The following OR1F1 variants were observed in gnomAD, a reference collection of about 807,000 sequenced individuals.
The protein encoded by OR1F1 is olfactory receptor family 1 subfamily F member 1.
For missense variants in OR1F1, 493 were observed against 376.3 expected, an observed-to-expected ratio of 1.31 and a Z score of -2.57; for synonymous variants, 184 against 156.7, an observed-to-expected ratio of 1.17 and a Z score of -1.30.
At chr16:3,189,226 C>A in the OR1F1 span, among the ~76,000 whole-genome samples, 1 of 152,192 alleles carries the variant, frequency 6.6e-6, no homozygotes, top group Non-Finnish European at 1.5e-5. Flanking sequence ...ATTGGTGCCA[C>A]GCTGAGGGAC....
At chr16:3,192,170 C>T in the OR1F1 span, among the ~76,000 whole-genome samples, 2 of 152,184 alleles carry the variant, frequency 1.3e-5, no homozygotes, top group Admixed American at 1.3e-4. Flanking sequence ...CATTCTCCTG[C>T]CTCAGCCTCC....
chr16:3,194,260 C>T, the OR1F1 span, among the ~76,000 whole-genome samples: 2 of 152,086 alleles, frequency 1.3e-5, no homozygotes, highest in African/African-American at 4.8e-5. Context: ...ATGTTGGAGG[C>T]TGGTTTTCTG....
At chr16:3,192,030 G>A in the OR1F1 span, among the ~76,000 whole-genome samples, 4 of 152,094 alleles carry the variant, frequency 2.6e-5, no homozygotes, top group African/African-American at 4.8e-5. Context: ...TAGGATGCGA[G>A]AGGTCCCGGG....
At chr16:3,204,360 T>G (rs777026559) in exon 1 of OR1F1, 44 of 1,613,920 alleles carry the variant, frequency 2.7e-5, no homozygotes, top group Non-Finnish European at 3.5e-5. Context: ...ACCTGGCCAC[T>G]GTCCTGGGGA....
chr16:3,201,042 C>G (rs1017301311), upstream of OR1F1, among the ~76,000 whole-genome samples: 2 of 152,026 alleles, frequency 1.3e-5, no homozygotes, highest in East Asian at 3.8e-4. Flanking sequence ...TTTGCCTACT[C>G]TAGACATTTC....
the OR1F1 span, among the ~76,000 whole-genome samples, chr16:3,198,085 AGGAGAG>A: frequency 1.6e-5 from 1 of 61,282 alleles, no homozygotes; most frequent in Admixed American, 1.5e-4. Flanking sequence ...GAGAGGGAGA[AGGAGAG>A]GGAGAGGGAG....
chr16:3,205,145 C>T (rs1160533577), exon 1 of OR1F1: 3 of 1,611,562 alleles, frequency 1.9e-6, no homozygotes, highest in Non-Finnish European at 2.5e-6. Flanking sequence ...TTGAAAGGGG[C>T]TCTGAAAAAA....
the OR1F1 span, among the ~76,000 whole-genome samples, chr16:3,194,030 C>T: frequency 1.1e-4 from 17 of 152,160 alleles, no homozygotes; most frequent in East Asian, 2.7e-3. Flanking sequence ...TAAGGTATCA[C>T]GCCTTTTAAA....
chr16:3,188,376 A>C, the OR1F1 span: 1 of 152,308 alleles, frequency 6.6e-6, no homozygotes, highest in Non-Finnish European at 1.5e-5. Context: ...CCCGTGCAGC[A>C]GGAGGAGGTT....
chr16:3,198,381 T>C, the OR1F1 span, among the ~76,000 whole-genome samples: 1 of 152,048 alleles, frequency 6.6e-6, no homozygotes, highest in East Asian at 1.9e-4. Flanking sequence ...CTGAGGCAAG[T>C]AGGCTGACAT....
At chr16:3,196,031 G>T in the OR1F1 span, among the ~76,000 whole-genome samples, 175 of 152,344 alleles carry the variant, frequency 1.1e-3, 1 homozygote, top group African/African-American at 3.9e-3. Flanking sequence ...TCTCCTGGTG[G>T]ACTTTCTCTT....
At chr16:3,203,225 A>G (rs1596324926), upstream of OR1F1, among the ~76,000 whole-genome samples, 6 of 152,328 alleles carry the variant, frequency 3.9e-5, no homozygotes, top group South Asian at 1.2e-3. Flanking sequence ...TGAGGCTCTC[A>G]GGGAATATGA....
chr16:3,199,016 C>T, the OR1F1 span, among the ~76,000 whole-genome samples: 3 of 148,914 alleles, frequency 2.0e-5, no homozygotes. Flanking sequence ...TGGTGGCTCA[C>T]GCCTATAATC....
At chr16:3,200,440 C>G (rs142070397), upstream of OR1F1, among the ~76,000 whole-genome samples, 145 of 152,240 alleles carry the variant, frequency 9.5e-4, no homozygotes, top group African/African-American at 3.4e-3. Context: ...AACTCTGTCT[C>G]TACTAAAAAT....
At chr16:3,197,208 G>A in the OR1F1 span, among the ~76,000 whole-genome samples, 5 of 148,514 alleles carry the variant, frequency 3.4e-5, no homozygotes, top group East Asian at 9.9e-4. Flanking sequence ...TAGTAGAGAC[G>A]GGGTTTCACC....
chr16:3,205,031 C>G, exon 1 of OR1F1: 2 of 1,614,132 alleles, frequency 1.2e-6, no homozygotes, highest in Non-Finnish European at 1.7e-6. Context: ...TATTTTAACC[C>G]TCTGTCCTCC....
exon 1 of OR1F1, chr16:3,204,373 C>T (rs1416117596): frequency 3.1e-6 from 5 of 1,614,072 alleles, no homozygotes; most frequent in Non-Finnish European, 4.2e-6. Context: ...CCTGGGGAAC[C>T]TGCTCATCAT....
At chr16:3,189,674 A>G in the OR1F1 span, 1 of 151,792 alleles carries the variant, frequency 6.6e-6, no homozygotes, top group Non-Finnish European at 1.5e-5. Context: ...TTAGGGTGCG[A>G]GAGGTCCCGG....
chr16:3,204,456 C>T (rs781485448), exon 1 of OR1F1: 2 of 1,614,120 alleles, frequency 1.2e-6, no homozygotes, highest in South Asian at 2.2e-5. Flanking sequence ...CTTTTGTGGA[C>T]ATCTGCTTCT....
Sources: allele counts gnomAD v4.1 joint callset (sites outside exome capture counted in the v4.1 genomes callset), GRCh38; gene constraint gnomAD v4.1.1; transcripts MANE v1.5; gene names NCBI Gene and HGNC (gene_info 2026-07-23, HGNC 2026-07-21).